The following PDE11A variants were observed in gnomAD, a reference collection of about 807,000 sequenced individuals.
The protein encoded by PDE11A is dual 3',5'-cyclic-AMP and -GMP phosphodiesterase 11A.
In PDE11A, 100 loss-of-function variants were observed where a neutral mutation model predicts 100.5. That is an observed-to-expected ratio of 1.00 (90% CI 0.85 to 1.18). The LOEUF (loss-of-function observed/expected upper bound fraction) is 1.18. Among genes scored for constraint, PDE11A ranks in the 50% most tolerant of loss-of-function variants. The probability of loss-of-function intolerance (pLI) is 0.00; values close to 1 mark genes in which losing one functional copy is unlikely to be tolerated. For missense variants in PDE11A, 1,141 were observed against 1,152.6 expected, an observed-to-expected ratio of 0.99 and a Z score of 0.15; for synonymous variants, 381 against 420.8, an observed-to-expected ratio of 0.91 and a Z score of 1.16.
At position 178,046,997 on chromosome 2, in the gene PDE11A, T is replaced by C. The variant is rs995993126; in HGVS notation, c.912+24529A>G. ...GCCTATCTCATTCCTGTAGACTTAT[T>C]ATGTGTTCTTAGATGAATAATTATG... On this transcript the variant is annotated intron_variant, in intron 1 of 19. Transcript: ENST00000286063. 4.4e-4 allele frequency among the ~76,000 whole-genome samples: 67 copies of C among 152,220 alleles called. 3 individuals carry two copies. The highest frequency in any genetic ancestry group is 1.5e-5 in the Non-Finnish European group (1 of 68,034).
At chr2:177,879,397 G>A (rs2084293999) in intron 4 of PDE11A, among the ~76,000 whole-genome samples, 1 of 152,182 alleles carries the variant, frequency 6.6e-6, no homozygotes, top group African/African-American at 2.4e-5. Context: ...ATTTCTGCAA[G>A]AGTTAAGTTT....
chr2:177,979,089 A>AG (rs1247094561), intron 2 of PDE11A, among the ~76,000 whole-genome samples: 10 of 149,000 alleles, frequency 6.7e-5, no homozygotes, highest in African/African-American at 2.4e-4. Flanking sequence ...AAAAAAAAAA[A>AG]AAAAAGAAAG....
At chr2:177,955,231 T>C (rs756029070) in intron 2 of PDE11A, among the ~76,000 whole-genome samples, 2 of 152,210 alleles carry the variant, frequency 1.3e-5, no homozygotes, top group African/African-American at 4.8e-5. Context: ...ATTTATGGTT[T>C]TATAGCCTGG....
intron 1 of PDE11A, among the ~76,000 whole-genome samples, chr2:178,037,038 A>G (rs1380198409): frequency 6.6e-6 from 1 of 152,228 alleles, no homozygotes; most frequent in East Asian, 1.9e-4. Flanking sequence ...TAGTCAAACT[A>G]AAGAGCTTCT....
rs60332687 is a variant in PDE11A, at chr2:177,819,868, T to TCTCTCTCTCTCTC, written c.1576+351_1576+352insGAGAGAGAGAGAG. 5.0e-4 allele frequency among the ~76,000 whole-genome samples: 70 copies of TCTCTCTCTCTCTC among 139,150 alleles called. 1 individual carries two copies. The highest frequency in any genetic ancestry group is 1.8e-3 in the African/African-American group (63 of 35,752). 91.3% of individuals were successfully genotyped at this position (139,150 alleles called of 152,430 possible). On this transcript the variant is annotated intron_variant, in intron 7 of 19. Transcript: ENST00000286063. ...CATTTCTCTTTCTCTCTTTCTCTCT[T>TCTCTCTCTCTCTC]TCTCTCTCTCTCTCTCTCTCTCTCT...
chr2:177,904,866 A>T (rs2084755650), intron 3 of PDE11A, among the ~76,000 whole-genome samples: 1 of 152,098 alleles, frequency 6.6e-6, no homozygotes, highest in Non-Finnish European at 1.5e-5. Flanking sequence ...TTTCATTTTT[A>T]AAAGAAGCTT....
At chr2:177,732,123 C>T (rs2105452647) in intron 10 of PDE11A, among the ~76,000 whole-genome samples, 1 of 152,246 alleles carries the variant, frequency 6.6e-6, no homozygotes, top group African/African-American at 2.4e-5. Flanking sequence ...TTTCTATGTG[C>T]ACACCTGGCT....
chr2:177,705,016 A>G (rs1360919203), intron 13 of PDE11A, among the ~76,000 whole-genome samples: 1 of 152,014 alleles, frequency 6.6e-6, no homozygotes, highest in East Asian at 1.9e-4. Context: ...AATTTTTTGT[A>G]TCTTTAGTAA....
In PDE11A at chr2:178,094,941, T is replaced by C. The variant is rs183982840; in HGVS notation, c.162+9361A>G. On this transcript the variant is annotated intron_variant, in intron 2 of 20. Coordinates refer to the PDE11A transcript ENST00000358450. The stretch of plus-strand genomic sequence containing the variant: ...AGCATGGGGGAAACTGCCCCCATGA[T>C]CCAATCACCTCCCACCAGGTCCCTC... Among the ~76,000 whole-genome samples, 589 of 152,230 alleles carry C rather than the reference T, an allele frequency of 3.9e-3. 7 individuals are homozygous for C. Among genetic ancestry groups the C allele is most frequent in the African/African-American group, 0.014 (568 of 41,540 alleles).
chr2:177,969,266 G>A (rs942611477), intron 2 of PDE11A, among the ~76,000 whole-genome samples: 5 of 152,128 alleles, frequency 3.3e-5, no homozygotes, highest in Admixed American at 6.5e-5. Context: ...CGGTCCTGTC[G>A]GGGTTGGGAG....
intron 6 of PDE11A, among the ~76,000 whole-genome samples, chr2:177,829,196 G>A (rs1482622524): frequency 6.6e-6 from 1 of 152,018 alleles, no homozygotes; most frequent in East Asian, 1.9e-4. Context: ...GAGCAGGCTT[G>A]GGGGGCAGGA....
intron 1 of PDE11A, among the ~76,000 whole-genome samples, chr2:178,063,492 G>C (rs1164660390): frequency 6.6e-6 from 1 of 152,192 alleles, no homozygotes; most frequent in Non-Finnish European, 1.5e-5. Context: ...CAGTCCAGAG[G>C]CAGAAACAGG....
intron 2 of PDE11A, among the ~76,000 whole-genome samples, chr2:177,980,069 C>T (rs1284430186): frequency 2.7e-5 from 4 of 150,336 alleles, no homozygotes; most frequent in Non-Finnish European, 6.0e-5. Context: ...TGAAACTCCT[C>T]CCCTGACTGC....
At chr2:177,874,837 AG>A (rs2084204581) in intron 5 of PDE11A, among the ~76,000 whole-genome samples, 1 of 152,252 alleles carries the variant, frequency 6.6e-6, no homozygotes, top group Admixed American at 6.5e-5. Flanking sequence ...TAATGAAAAC[AG>A]GTTTGCTCCA....
intron 2 of PDE11A, among the ~76,000 whole-genome samples, chr2:178,009,859 G>A (rs1346475482): frequency 6.6e-6 from 1 of 152,090 alleles, no homozygotes; most frequent in Non-Finnish European, 1.5e-5. Context: ...AAATTATACA[G>A]AACATAACTT....
chr2:177,735,856 C>G (rs2081771338), intron 10 of PDE11A, among the ~76,000 whole-genome samples: 1 of 152,302 alleles, frequency 6.6e-6, no homozygotes. Context: ...CTCCCTTGAC[C>G]CCTGGTAGTG....
rs374760402 is a variant in PDE11A at position 177,851,384 on chromosome 2, G to T, written c.1368-11001C>A. Among the ~76,000 whole-genome samples the T allele has an allele frequency of 8.6e-5, 13 of 152,012 alleles. No individual in the cohort carries two copies. The East Asian group carries it at 2.3e-3, about 27-fold the overall frequency. ...GGGAACATCACACACCAGGCCTGTC[G>T]TGGGGTGGGGGGATCGGGGAGGGAT... On this transcript the variant is annotated intron_variant, in intron 5 of 19. Coordinates refer to ENST00000286063, the MANE Select transcript of PDE11A (RefSeq NM_016953.4).
intron 2 of PDE11A, among the ~76,000 whole-genome samples, chr2:177,949,980 TG>T (rs1390381686): frequency 6.6e-6 from 1 of 151,482 alleles, no homozygotes; most frequent in Non-Finnish European, 1.5e-5. Flanking sequence ...ATAAAGATAA[TG>T]CTCTTTGTTG....
chr2:177,957,602 T>C lies in PDE11A; in HGVS notation c.1072-52415A>G, dbSNP rs16823485. Among the ~76,000 whole-genome samples the C allele has an allele frequency of 9.8e-3, 1,494 of 152,294 alleles. 24 individuals carry two copies. Among genetic ancestry groups the C allele is most frequent in the African/African-American group, 0.034 (1,402 of 41,556 alleles). ...AAATAAAACAGAGCCCATTGAGCTA[T>C]GTGATTCTCCAGGTTATTAGAGATA... On this transcript the variant is annotated intron_variant, in intron 2 of 19. Coordinates refer to ENST00000286063, the MANE Select transcript of PDE11A (RefSeq NM_016953.4).
Sources: allele counts gnomAD v4.1 joint callset (sites outside exome capture counted in the v4.1 genomes callset), GRCh38; gene constraint gnomAD v4.1.1; transcripts MANE v1.5; gene names NCBI Gene and HGNC (gene_info 2026-07-23, HGNC 2026-07-21).